The following ANKHD1 variants were observed in gnomAD, a reference collection of about 807,000 sequenced individuals.
ANKHD1 encodes ankyrin repeat and KH domain containing 1, also known as ankyrin repeat and KH domain-containing protein 1.
A neutral mutation model predicts 230.5 loss-of-function variants in ANKHD1; 31 were observed. The observed-to-expected ratio is 0.13, with a 90% CI of 0.10 to 0.18. The LOEUF is 0.18. ANKHD1 is among the 10% of genes least tolerant of loss of function. The probability of loss-of-function intolerance (pLI) is 1.00; values close to 1 mark genes in which losing one functional copy is unlikely to be tolerated. For synonymous variants in ANKHD1, 1,074 were observed against 1,117.6 expected (o/e 0.96, Z 0.78); for missense variants, 2,256 against 3,071.3 (o/e 0.73, Z 6.27).
At chr5:140,489,737 G>A (rs1561792172) in intron 14 of ANKHD1, among the ~76,000 whole-genome samples, 1 of 151,928 alleles carries the variant, frequency 6.6e-6, no homozygotes, top group Non-Finnish European at 1.5e-5. Flanking sequence ...GTATAAACAT[G>A]GACTACCTTT....
intron 7 of ANKHD1, among the ~76,000 whole-genome samples, chr5:140,457,185 A>T (rs899229341): frequency 6.6e-6 from 1 of 152,236 alleles, no homozygotes; most frequent in African/African-American, 2.4e-5. Context: ...AATGGCGATC[A>T]TTAAAAAGTC....
chr5:140,408,442 CTG>C (rs1387383654), intron 1 of ANKHD1, among the ~76,000 whole-genome samples: 2 of 152,078 alleles, frequency 1.3e-5, no homozygotes, highest in Non-Finnish European at 2.9e-5. Flanking sequence ...TTATATCACA[CTG>C]AGGTTTTTTT....
Position 140,485,779 on chromosome 5 carries a change from T to C in ANKHD1, c.2142+47T>C. The C allele has an allele frequency of 6.3e-7, 1 of 1,594,382 alleles. No homozygotes were observed. Among genetic ancestry groups the C allele is most frequent in the Non-Finnish European group, 8.5e-7 (1 of 1,175,542 alleles). The stretch of plus-strand genomic sequence containing the variant: ...TTGTTAATATAAATATTCTTCAACA[T>C]GATTAGAAGTTTTTGTTTAAAATCA... On this transcript the variant is annotated intron_variant, in intron 13 of 33. Transcript: ENST00000360839. This position sits in a 1 kb window ranked among gnomAD's most constrained non-coding sequence, Gnocchi z 4.8.
chr5:140,411,440 T>TA (rs1208959917), intron 1 of ANKHD1, among the ~76,000 whole-genome samples: 4 of 152,070 alleles, frequency 2.6e-5, no homozygotes, highest in Non-Finnish European at 5.9e-5. Flanking sequence ...TAGTTGCTTA[T>TA]AAATGCCTCT....
intron 14 of ANKHD1, among the ~76,000 whole-genome samples, chr5:140,493,991 C>T (rs186584160): frequency 0.013 from 1,914 of 152,280 alleles, 16 homozygotes; most frequent in Non-Finnish European, 0.02. Flanking sequence ...ACCTAGTTTT[C>T]CTGAATCTTA....
At chr5:140,461,590 T>G (rs558854017) in intron 9 of ANKHD1, among the ~76,000 whole-genome samples, 61 of 152,306 alleles carry the variant, frequency 4.0e-4, no homozygotes, top group African/African-American at 1.3e-3. Flanking sequence ...GTTAGTGTTT[T>G]AACATGAATG....
intron 10 of ANKHD1, among the ~76,000 whole-genome samples, chr5:140,468,283 A>AC (rs1418700293): frequency 2.0e-5 from 3 of 150,840 alleles, no homozygotes; most frequent in Non-Finnish European, 3.0e-5. Flanking sequence ...ACAAAAAAAA[A>AC]CAAAAAAACA....
In ANKHD1 at chr5:140,440,895, C is replaced by T. The variant is rs902717335; in HGVS notation, c.766-100C>T. ...GGTCATTATTGATTTTTTCCCACCC[C>T]TATTCTAGAAGAATATCTTCAGAGA... On this transcript the variant is annotated intron_variant, in intron 4 of 33. Transcript: ENST00000360839. 7.6e-6 allele frequency: 10 copies of T among 1,318,090 alleles called. No homozygotes were observed. The African/African-American group carries it at 9.2e-5, about 12-fold the overall frequency. 81.6% of individuals were successfully genotyped at this position (1,318,090 alleles called of 1,614,324 possible).
intron 1 of ANKHD1, among the ~76,000 whole-genome samples, chr5:140,416,075 A>G (rs1771359615): frequency 1.3e-5 from 2 of 152,090 alleles, no homozygotes; most frequent in East Asian, 3.8e-4. Context: ...GCTCAGAATG[A>G]TGGTTTCCAG....
intron 1 of ANKHD1, among the ~76,000 whole-genome samples, chr5:140,424,984 A>G (rs958188437): frequency 6.6e-6 from 1 of 152,254 alleles, no homozygotes; most frequent in Non-Finnish European, 1.5e-5. Context: ...GCTGATACAT[A>G]TGAGACATTT....
At chr5:140,438,964 G>A (rs1339237843) in intron 3 of ANKHD1, among the ~76,000 whole-genome samples, 1 of 152,110 alleles carries the variant, frequency 6.6e-6, no homozygotes, top group Non-Finnish European at 1.5e-5. Flanking sequence ...ACTAATACAT[G>A]AAACGAGTTA....
At chr5:140,504,657 G>A in intron 15 of ANKHD1, 164 bp from the exon 16 acceptor site, 1 of 930,820 alleles carries the variant, frequency 1.1e-6, no homozygotes, top group Non-Finnish European at 1.5e-6. Flanking sequence ...CAGAAAGTCA[G>A]TGTTGGAACT....
rs2127103798 is a variant in ANKHD1 at position 140,538,208 on chromosome 5, C to T, written c.7351C>T (p.Pro2451Ser). 4 of 1,614,042 alleles carry T rather than the reference C, an allele frequency of 2.5e-6. No homozygotes were observed. The highest frequency in any genetic ancestry group is 1.3e-5 in the African/African-American group (1 of 75,000). Residue 2451 changes from proline to serine, a missense_variant, in exon 32 of 34, where the codon CCC (proline) becomes TCC (serine). Physicochemically the swap from Pro to Ser is moderately conservative, Grantham distance 74 (BLOSUM62 -1). Coordinates refer to ENST00000360839, the MANE Select transcript of ANKHD1 (RefSeq NM_017747.3). ...MERDDSGMVAPSNIFHQPMAS... is the reference protein window; with the variant it reads ...MERDDSGMVASSNIFHQPMAS... ...GAGAGATGATTCTGGAATGGTAGCC[C>T]CCTCTAACATTTTTCATCAGCCTAT... is the stretch of plus-strand genomic sequence containing the variant.
At chr5:140,512,794 G>T (rs1752826928) in intron 22 of ANKHD1, 34 bp from the exon 23 acceptor site, 1 of 1,531,214 alleles carries the variant, frequency 6.5e-7, no homozygotes, top group Non-Finnish European at 8.8e-7. Context: ...TTCTTTTCAT[G>T]CTACCTTGTC....
In ANKHD1 at chr5:140,526,044, C is replaced by T; in HGVS notation, c.4541C>T (p.Thr1514Met). The change falls in exon 26 of 34, where the codon ACG becomes ATG. Residue 1514 changes from threonine to methionine, a missense_variant. Thr to Met is a moderately conservative substitution (Grantham distance 81). Coordinates refer to ENST00000360839, the MANE Select transcript of ANKHD1 (RefSeq NM_017747.3). ...CCTCCTAGTGCAACCACCACCACTA[C>T]GATTGGAATCTCTGCAACATCTGCA... ...IEPPSATTTT[T>M]IGISATSATF... The T allele has an allele frequency of 1.2e-6, 2 of 1,605,944 alleles. No homozygotes were observed. Among genetic ancestry groups the T allele is most frequent in the Non-Finnish European group, 1.7e-6 (2 of 1,177,828 alleles).
At chr5:140,407,785 T>A (rs1294091701) in intron 1 of ANKHD1, among the ~76,000 whole-genome samples, 1 of 152,200 alleles carries the variant, frequency 6.6e-6, no homozygotes, top group Non-Finnish European at 1.5e-5. Flanking sequence ...GAAAAGATTG[T>A]GTGAGACATG....
chr5:140,440,263 A>G lies in ANKHD1; in HGVS notation c.762A>G (p.Ala254=). 1.2e-6 allele frequency: 2 copies of G among 1,605,192 alleles called. No homozygotes were observed. Among genetic ancestry groups the G allele is most frequent in the Non-Finnish European group, 1.7e-6 (2 of 1,176,646 alleles). The change falls in exon 4 of 34, where the codon GCA becomes GCG. Residue 254 remains alanine (A), a synonymous_variant. Transcript: ENST00000360839. ...GTTCAGCAGGGTATTATGAATTAGC[A>G]CAAGTAAGCAGAAATAATCTTTAGT... ...LACSAGYYEL[A]QVLLAMHANV... is the part of the protein sequence containing the mutation.
At chr5:140,520,777 T>G (rs1753306340) in intron 24 of ANKHD1, among the ~76,000 whole-genome samples, 2 of 53,856 alleles carry the variant, frequency 3.7e-5, no homozygotes, top group Non-Finnish European at 6.8e-5. Context: ...TGGGGACTGT[T>G]GTGGGGTGGG....
At chr5:140,537,243 A>G (rs1163837455) in intron 30 of ANKHD1, 146 bp from the exon 31 acceptor site, 1 of 1,367,250 alleles carries the variant, frequency 7.3e-7, no homozygotes, top group Non-Finnish European at 9.6e-7. Context: ...TCTTTACAGA[A>G]CTTATGTTGT....
Sources: allele counts gnomAD v4.1 joint callset (sites outside exome capture counted in the v4.1 genomes callset), GRCh38; gene constraint gnomAD v4.1.1; non-coding constraint Gnocchi (gnomAD v3.1); transcripts MANE v1.5; gene names NCBI Gene and HGNC (gene_info 2026-07-23, HGNC 2026-07-21).